COLEC12: variants seen among roughly 807,000 people sequenced by gnomAD.
The protein encoded by COLEC12 is collectin subfamily member 12.
In COLEC12, 33 loss-of-function variants were observed where a neutral mutation model predicts 71.1. That is an observed-to-expected ratio of 0.46 (90% CI 0.35 to 0.62). The LOEUF (loss-of-function observed/expected upper bound fraction) is 0.62, where lower values mean the gene tolerates loss of function less well. Ranked by LOEUF, COLEC12 falls within the 20% of genes least tolerant of loss-of-function variation. COLEC12 has a pLI of 0.00. For synonymous variants in COLEC12, 350 were observed against 353.0 expected, an observed-to-expected ratio of 0.99 and a Z score of 0.10; for missense variants, 765 against 916.1, an observed-to-expected ratio of 0.84 and a Z score of 2.13.
chr18:462,932 T>A (rs1008812487), intron 2 of COLEC12, among the ~76,000 whole-genome samples: 1 of 151,950 alleles, frequency 6.6e-6, no homozygotes, highest in Admixed American at 6.6e-5. Context: ...CCAGCTGGAG[T>A]TTATTAAGAA....
At chr18:435,488 A>G (rs1028516734) in intron 2 of COLEC12, among the ~76,000 whole-genome samples, 10 of 152,186 alleles carry the variant, frequency 6.6e-5, no homozygotes, top group African/African-American at 2.2e-4. Context: ...CCATGATTCA[A>G]TTACCTCCAG....
chr18:479,913 G>A (rs4797179), intron 2 of COLEC12, among the ~76,000 whole-genome samples: 10,860 of 152,258 alleles, frequency 0.071, 461 homozygotes, highest in Admixed American at 0.13. Context: ...TAAATATGGG[G>A]AGTATACAGC....
intron 2 of COLEC12, among the ~76,000 whole-genome samples, chr18:389,884 G>A (rs1915425773): frequency 6.6e-6 from 1 of 152,052 alleles, no homozygotes; most frequent in South Asian, 2.1e-4. Context: ...GCTTTCTCGT[G>A]GTCAAACCAC....
intron 2 of COLEC12, among the ~76,000 whole-genome samples, chr18:429,718 C>T (rs1212524143): frequency 6.6e-6 from 1 of 152,078 alleles, no homozygotes; most frequent in East Asian, 1.9e-4. Flanking sequence ...TAGCAAAGAA[C>T]AGGCCCCAAA....
intron 2 of COLEC12, among the ~76,000 whole-genome samples, chr18:407,385 T>C (rs914776648): frequency 6.6e-6 from 1 of 152,168 alleles, no homozygotes; most frequent in Non-Finnish European, 1.5e-5. Context: ...AGTACCAAGA[T>C]CTGCAGTCGG....
At chr18:395,020 T>C (rs1006396311) in intron 2 of COLEC12, among the ~76,000 whole-genome samples, 4 of 152,210 alleles carry the variant, frequency 2.6e-5, no homozygotes, top group African/African-American at 9.6e-5. Flanking sequence ...TGATAGGAAT[T>C]AGAGGTTGCA....
At chr18:467,070 A>T (rs1438035671) in intron 2 of COLEC12, among the ~76,000 whole-genome samples, 1 of 152,214 alleles carries the variant, frequency 6.6e-6, no homozygotes, top group East Asian at 1.9e-4. Context: ...TTGCAATTAT[A>T]AATAGAAAAT....
At chr18:444,745 T>C (rs181470569) in intron 2 of COLEC12, among the ~76,000 whole-genome samples, 68 of 152,314 alleles carry the variant, frequency 4.5e-4, no homozygotes, top group African/African-American at 1.6e-3. Flanking sequence ...AAAAGATGTA[T>C]CTGCAAACAA....
rs1354715202 is a variant in COLEC12 at position 399,674 on chromosome 18, C to T, written c.59-42152G>A. Among the ~76,000 whole-genome samples the T allele has an allele frequency of 6.6e-6, 1 of 152,130 alleles. No homozygotes were observed. The highest frequency in any genetic ancestry group is 1.9e-4 in the East Asian group (1 of 5,186). On this transcript the variant is annotated intron_variant, in intron 2 of 9. Coordinates refer to ENST00000400256, the MANE Select transcript of COLEC12 (RefSeq NM_130386.3). This position sits in a 1 kb window ranked among gnomAD's most constrained non-coding sequence, Gnocchi z 4.0. ...AATGCAGCCGCTTTGGGGAAGAACCCTACTTTGTGCTGTTACCTGTTGTTA... is the reference window on the plus strand; with the variant it reads ...AATGCAGCCGCTTTGGGGAAGAACCTTACTTTGTGCTGTTACCTGTTGTTA...
chr18:471,914 G>T (rs1177309570), intron 2 of COLEC12, among the ~76,000 whole-genome samples: 4 of 152,090 alleles, frequency 2.6e-5, no homozygotes, highest in Non-Finnish European at 5.9e-5. Context: ...AGGGAAAGTA[G>T]ACAGAAGGCC....
Position 335,149 on chromosome 18 carries a change from C to T in COLEC12, c.1409G>A (p.Gly470Glu). 6.2e-7 allele frequency: 1 copy of T among 1,612,778 alleles called. No individual in the cohort carries two copies. The highest frequency in any genetic ancestry group is 8.5e-7 in the Non-Finnish European group (1 of 1,179,566). The change falls in exon 6 of 10, where the codon GGA (glycine) becomes GAA (glutamate). Residue 470 changes from glycine to glutamate, a missense_variant. Physicochemically the swap from Gly to Glu is moderately conservative, Grantham distance 98. Transcript: ENST00000400256. ...PGPTGNKGQK[G>E]EKGEPGPPGP... is the part of the protein sequence containing the mutation. ...AGGTGGTCCAGGCTCCCCCTTCTCT[C>T]CTTTCTGTCCCTTGTTGCCAGTTGG... is the stretch of plus-strand genomic sequence containing the variant.
intron 2 of COLEC12, among the ~76,000 whole-genome samples, chr18:390,894 G>A (rs775701433): frequency 7.2e-5 from 11 of 152,158 alleles, no homozygotes; most frequent in East Asian, 1.9e-4. Flanking sequence ...GCAAGCACAC[G>A]GGCACAGGGA....
At chr18:491,089 T>C (rs924062047) in intron 1 of COLEC12, among the ~76,000 whole-genome samples, 1 of 152,246 alleles carries the variant, frequency 6.6e-6, no homozygotes, top group African/African-American at 2.4e-5. Context: ...TGAGCATTTC[T>C]GCAAGCTGTC....
chr18:458,954 C>A (rs188372457), intron 2 of COLEC12, among the ~76,000 whole-genome samples: 3 of 152,350 alleles, frequency 2.0e-5, no homozygotes, highest in African/African-American at 7.2e-5. Flanking sequence ...CCCACCTCAG[C>A]CTTTCAAGTA....
At chr18:393,631 C>G (rs1367666312) in intron 2 of COLEC12, among the ~76,000 whole-genome samples, 1 of 152,204 alleles carries the variant, frequency 6.6e-6, no homozygotes, top group Non-Finnish European at 1.5e-5. Flanking sequence ...CCTGGAATAC[C>G]CTTTGCCTGT....
At chr18:429,005 A>C (rs997120392) in intron 2 of COLEC12, among the ~76,000 whole-genome samples, 6 of 152,218 alleles carry the variant, frequency 3.9e-5, no homozygotes, top group Non-Finnish European at 5.9e-5. Context: ...GGGTAATCAT[A>C]ATTTTTTAAC....
chr18:322,497 A>G (rs1213757488), intron 8 of COLEC12, among the ~76,000 whole-genome samples: 1 of 152,206 alleles, frequency 6.6e-6, no homozygotes, highest in Non-Finnish European at 1.5e-5. Context: ...ATGAGTTCAC[A>G]TGGGGCTTCT....
chr18:421,634 A>T (rs1334759825), intron 2 of COLEC12, among the ~76,000 whole-genome samples: 5 of 152,172 alleles, frequency 3.3e-5, no homozygotes, highest in Admixed American at 1.3e-4. Flanking sequence ...TAATGCACAG[A>T]AAGTCGGTGC....
chr18:364,665 G>A (rs1220396805), intron 2 of COLEC12, among the ~76,000 whole-genome samples: 1 of 152,194 alleles, frequency 6.6e-6, no homozygotes, highest in African/African-American at 2.4e-5. Context: ...CTGTAGAATT[G>A]AGCCAGACAC....
Sources: allele counts gnomAD v4.1 joint callset (sites outside exome capture counted in the v4.1 genomes callset), GRCh38; gene constraint gnomAD v4.1.1; non-coding constraint Gnocchi (gnomAD v3.1); transcripts MANE v1.5; gene names NCBI Gene and HGNC (gene_info 2026-07-23, HGNC 2026-07-21).